Variants in PPP2R5A observed in about 807,000 individuals in gnomAD.
The protein encoded by PPP2R5A is serine/threonine-protein phosphatase 2A 56 kDa regulatory subunit alpha isoform.
PPP2R5A carries 25 observed loss-of-function variants against 64.2 expected under a neutral mutation model. That is an observed-to-expected ratio of 0.39 (90% CI 0.28 to 0.54). The LOEUF (loss-of-function observed/expected upper bound fraction) is 0.54, where lower values mean the gene tolerates loss of function less well. PPP2R5A is among the 20% of genes least tolerant of loss of function. PPP2R5A has a pLI of 0.67. For synonymous variants in PPP2R5A, 198 were observed against 201.2 expected (o/e 0.98, Z 0.13); for missense variants, 425 against 576.3 (o/e 0.74, Z 2.69).
At chr1:212,313,777 A>T (rs1446873457) in intron 1 of PPP2R5A, 2 of 151,810 alleles carry the variant, frequency 1.3e-5, no homozygotes, top group East Asian at 3.9e-4. Flanking sequence ...TGGTCTGTGA[A>T]TTCCTGCACA....
intron 1 of PPP2R5A, among the ~76,000 whole-genome samples, chr1:212,303,290 T>C (rs1658833135): frequency 6.6e-6 from 1 of 152,228 alleles, no homozygotes. Context: ...TCCTAATGGA[T>C]GTGAACTAGT....
chr1:212,327,708 C>G (rs1193778827), intron 1 of PPP2R5A, among the ~76,000 whole-genome samples: 1 of 152,240 alleles, frequency 6.6e-6, no homozygotes, highest in Middle Eastern at 3.4e-3. Flanking sequence ...GCCACCACAC[C>G]GGCCCATTTT....
At chr1:212,291,176 TCTCGGCTCACTGCCAC>T (rs1658596187) in intron 1 of PPP2R5A, among the ~76,000 whole-genome samples, 1 of 152,128 alleles carries the variant, frequency 6.6e-6, no homozygotes, top group Non-Finnish European at 1.5e-5. Flanking sequence ...TGGCACGATC[TCTCGGCTCACTGCCAC>T]CTCTGCCTCC....
At chr1:212,320,091 G>A (rs940422148) in intron 1 of PPP2R5A, among the ~76,000 whole-genome samples, 3 of 151,588 alleles carry the variant, frequency 2.0e-5, no homozygotes, top group Non-Finnish European at 4.4e-5. Flanking sequence ...AGGACCCTGC[G>A]GCCTTCCGCA....
intron 1 of PPP2R5A, among the ~76,000 whole-genome samples, chr1:212,287,613 A>G (rs988590919): frequency 1.3e-5 from 2 of 152,228 alleles, no homozygotes; most frequent in African/African-American, 4.8e-5. Context: ...AGTCTGTGCT[A>G]TCGAATTTAT....
At chr1:212,291,202 C>T (rs1474993308) in intron 1 of PPP2R5A, among the ~76,000 whole-genome samples, 1 of 152,002 alleles carries the variant, frequency 6.6e-6, no homozygotes, top group Admixed American at 6.6e-5. Context: ...CCTCTGCCTC[C>T]CAGGTTCAAG....
At chr1:212,316,734 G>A (rs746850001) in intron 1 of PPP2R5A, among the ~76,000 whole-genome samples, 5 of 151,548 alleles carry the variant, frequency 3.3e-5, no homozygotes, top group Non-Finnish European at 7.4e-5. Flanking sequence ...AGTCTCTGGC[G>A]ATCCTTTATT....
intron 1 of PPP2R5A, among the ~76,000 whole-genome samples, chr1:212,322,198 C>G (rs147631522): frequency 0.18 from 22,460 of 124,712 alleles, 2,078 homozygotes; most frequent in Middle Eastern, 0.33. Context: ...GAGAGGGAGA[C>G]CGTGGGGAGA....
chr1:212,296,965 TG>T (rs1658703849), intron 1 of PPP2R5A, among the ~76,000 whole-genome samples: 1 of 152,220 alleles, frequency 6.6e-6, no homozygotes. Flanking sequence ...CTCTATTAAA[TG>T]GAAGTCCAGT....
chr1:212,309,463 G>A lies in PPP2R5A; in HGVS notation c.182-19672G>A, dbSNP rs190454118. ...TGCCTTTTTGGCCTTTAAAGCCTTC[G>A]CTTTGTCTTCGGCTTTAGAAGGGGC... is the stretch of plus-strand genomic sequence containing the variant. On this transcript the variant is annotated intron_variant, in intron 1 of 12. Transcript: ENST00000261461. 3.2e-5 allele frequency: 29 copies of A among 908,544 alleles called. No homozygotes were observed. The East Asian group carries it at 6.0e-4, about 19-fold the overall frequency. The allele number at this position is 908,544 out of a possible 1,614,324, so 56.3% of individuals were successfully genotyped here.
At chr1:212,291,115 TTTTA>T (rs1266428119) in intron 1 of PPP2R5A, among the ~76,000 whole-genome samples, 9 of 151,198 alleles carry the variant, frequency 6.0e-5, no homozygotes, top group African/African-American at 2.2e-4. Context: ...TTTTATTTTA[TTTTA>T]TTTTTTTTCA....
chr1:212,351,013 G>A (rs1025674402), intron 8 of PPP2R5A, among the ~76,000 whole-genome samples: 3 of 150,902 alleles, frequency 2.0e-5, no homozygotes, highest in African/African-American at 4.9e-5. Context: ...GCATGGTGGC[G>A]TGTGCCTGTA....
chr1:212,321,357 C>T (rs1311906538), intron 1 of PPP2R5A, among the ~76,000 whole-genome samples: 131 of 148,214 alleles, frequency 8.8e-4, no homozygotes, highest in Non-Finnish European at 1.5e-3. Flanking sequence ...GGCGGCTGGC[C>T]GGGCGGGGGG....
intron 1 of PPP2R5A, chr1:212,319,518 T>G (rs1467909777): frequency 6.6e-6 from 1 of 152,258 alleles, no homozygotes; most frequent in Non-Finnish European, 1.5e-5. Context: ...TTGCAAGAAT[T>G]CTTAAAACGG....
At chr1:212,315,513 A>G (rs933677629) in intron 1 of PPP2R5A, among the ~76,000 whole-genome samples, 1 of 152,246 alleles carries the variant, frequency 6.6e-6, no homozygotes, top group Non-Finnish European at 1.5e-5. Context: ...ATAAATCGAC[A>G]TTAAAGAACA....
intron 3 of PPP2R5A, 39 bp downstream of exon 3, chr1:212,333,637 A>T: frequency 8.4e-7 from 1 of 1,195,498 alleles, no homozygotes; most frequent in Non-Finnish European, 1.2e-6. Context: ...TTTTATATTT[A>T]TGCTATTCTG....
chr1:212,321,036 CCCGGACGGGGCGGCTGG>C (rs1460536375), intron 1 of PPP2R5A, among the ~76,000 whole-genome samples: 2 of 79,128 alleles, frequency 2.5e-5, no homozygotes, highest in Non-Finnish European at 5.2e-5. Context: ...CCCCTCACCT[CCCGGACGGGGCGGCTGG>C]CCGGGCGGGG....
chr1:212,317,822 C>T lies in PPP2R5A; in HGVS notation c.182-11313C>T, dbSNP rs541136925. 6.8e-4 allele frequency among the ~76,000 whole-genome samples: 103 copies of T among 152,072 alleles called. 1 individual carries two copies. Among genetic ancestry groups the T allele is most frequent in the Middle Eastern group, 3.4e-3 (1 of 294 alleles). The stretch of plus-strand genomic sequence containing the variant: ...CCAAGATGGTGAAACCTCGTCTCTA[C>T]TAAAAATACAAAAATTAGCTGAGTG... On this transcript the variant is annotated intron_variant, in intron 1 of 12. Transcript: ENST00000261461.
At chr1:212,353,558 T>A (rs973469965) in intron 8 of PPP2R5A, among the ~76,000 whole-genome samples, 1 of 152,182 alleles carries the variant, frequency 6.6e-6, no homozygotes. Context: ...ACCTTTGTCA[T>A]ATATTAAAAT....
Sources: allele counts gnomAD v4.1 joint callset (sites outside exome capture counted in the v4.1 genomes callset), GRCh38; gene constraint gnomAD v4.1.1; transcripts MANE v1.5; gene names NCBI Gene and HGNC (gene_info 2026-07-23, HGNC 2026-07-21).